LSAMP: variants seen among roughly 807,000 people sequenced by gnomAD.
The protein encoded by LSAMP is limbic system-associated membrane protein.
LSAMP carries 7 observed loss-of-function variants against 38.6 expected under a neutral mutation model. The ratio of observed to expected loss-of-function variants is 0.18; its 90% CI spans 0.10 to 0.34. The LOEUF is 0.34. LSAMP is among the 10% of genes least tolerant of loss of function. The pLI, the probability that LSAMP is intolerant of heterozygous loss-of-function variation, is 1.00. For missense variants in LSAMP, 313 were observed against 420.0 expected, an observed-to-expected ratio of 0.75 and a Z score of 2.23; for synonymous variants, 154 against 166.8, an observed-to-expected ratio of 0.92 and a Z score of 0.59.
chr3:115,835,840 G>C (rs994388071), intron 6 of LSAMP, among the ~76,000 whole-genome samples: 2 of 152,152 alleles, frequency 1.3e-5, no homozygotes, highest in Non-Finnish European at 2.9e-5. Flanking sequence ...GTCAACAGCA[G>C]CCCAGTGAAC....
At chr3:115,875,043 G>A (rs1317593889) in intron 3 of LSAMP, among the ~76,000 whole-genome samples, 2 of 151,962 alleles carry the variant, frequency 1.3e-5, no homozygotes, top group African/African-American at 2.4e-5. Flanking sequence ...AGAGAACATC[G>A]TTTCTTTTAT....
chr3:116,391,299 C>T (rs1388644348), intron 1 of LSAMP, among the ~76,000 whole-genome samples: 2 of 151,928 alleles, frequency 1.3e-5, no homozygotes, highest in African/African-American at 4.9e-5. Flanking sequence ...TGCCCCGCCC[C>T]CCCCGTGCCC....
intron 3 of LSAMP, among the ~76,000 whole-genome samples, chr3:115,947,533 AC>A (rs1482486660): frequency 2.6e-5 from 4 of 152,264 alleles, no homozygotes; most frequent in African/African-American, 9.6e-5. Flanking sequence ...AGTGATACTG[AC>A]CACAAGAGAG....
At chr3:116,263,557 G>T (rs1367269565) in intron 1 of LSAMP, among the ~76,000 whole-genome samples, 1 of 150,154 alleles carries the variant, frequency 6.7e-6, no homozygotes, top group African/African-American at 2.4e-5. Context: ...AAAAAAAGAT[G>T]AATATTTTTA....
At chr3:116,429,900 G>A (rs963426180) in intron 1 of LSAMP, among the ~76,000 whole-genome samples, 1 of 152,124 alleles carries the variant, frequency 6.6e-6, no homozygotes, top group Non-Finnish European at 1.5e-5. Flanking sequence ...AAGAGACCCT[G>A]TTTTCATAAT....
intron 1 of LSAMP, among the ~76,000 whole-genome samples, chr3:116,383,100 A>G (rs2048582533): frequency 6.6e-6 from 1 of 152,090 alleles, no homozygotes; most frequent in Non-Finnish European, 1.5e-5. Flanking sequence ...GATCCAAAGC[A>G]TTGCTATGGT....
chr3:116,257,686 G>C (rs2046769473), intron 1 of LSAMP, among the ~76,000 whole-genome samples: 1 of 151,966 alleles, frequency 6.6e-6, no homozygotes, highest in South Asian at 2.1e-4. Context: ...TTTTTTTCTG[G>C]TTGCTTGAAT....
At chr3:116,204,779 G>GCTGTTTTGGTACCAC (rs2046043126) in intron 1 of LSAMP, among the ~76,000 whole-genome samples, 11 of 150,508 alleles carry the variant, frequency 7.3e-5, no homozygotes, top group Non-Finnish European at 1.5e-4. Context: ...TTTGGTACCA[G>GCTGTTTTGGTACCAC]TACCATGCTG....
At chr3:116,143,239 C>T (rs982664964) in intron 1 of LSAMP, among the ~76,000 whole-genome samples, 2 of 151,738 alleles carry the variant, frequency 1.3e-5, no homozygotes, top group African/African-American at 2.4e-5. Context: ...AAAATTTTCT[C>T]ATTTCATCAT....
At chr3:115,828,837 A>G (rs1934515082) in intron 6 of LSAMP, among the ~76,000 whole-genome samples, 1 of 152,164 alleles carries the variant, frequency 6.6e-6, no homozygotes, top group African/African-American at 2.4e-5. Flanking sequence ...AAAAATATTC[A>G]TTTTCAAATC....
At chr3:116,088,441 TCTC>T (rs1276349107) in intron 1 of LSAMP, among the ~76,000 whole-genome samples, 3 of 152,150 alleles carry the variant, frequency 2.0e-5, no homozygotes, top group Non-Finnish European at 2.9e-5. Flanking sequence ...CTTTTGCTGT[TCTC>T]CTCTCTTGTG....
chr3:116,002,258 G>A (rs184154477), intron 3 of LSAMP, among the ~76,000 whole-genome samples: 1 of 152,232 alleles, frequency 6.6e-6, no homozygotes. Flanking sequence ...CCTAGAGAGG[G>A]CAGTTGCTTA....
At chr3:116,266,461 G>C (rs1301141836) in intron 1 of LSAMP, among the ~76,000 whole-genome samples, 1 of 152,156 alleles carries the variant, frequency 6.6e-6, no homozygotes, top group Non-Finnish European at 1.5e-5. Context: ...CTGAAACCAA[G>C]AGACAAAAGG....
intron 1 of LSAMP, among the ~76,000 whole-genome samples, chr3:116,269,489 G>A (rs1367102334): frequency 6.6e-6 from 1 of 152,060 alleles, no homozygotes; most frequent in Admixed American, 6.6e-5. Flanking sequence ...ACTACATAAT[G>A]ATCTGTTGAA....
intron 1 of LSAMP, among the ~76,000 whole-genome samples, chr3:116,170,244 A>G (rs1244258232): frequency 6.6e-6 from 1 of 150,988 alleles, no homozygotes; most frequent in Non-Finnish European, 1.5e-5. Context: ...CGAAGAAGTC[A>G]CAATGCCTAT....
chr3:115,900,189 C>A (rs1936838079), intron 3 of LSAMP, among the ~76,000 whole-genome samples: 1 of 152,040 alleles, frequency 6.6e-6, no homozygotes. Context: ...GAAACTGGGG[C>A]AGGACAAAAC....
chr3:116,025,228 T>G (rs1196618254), intron 2 of LSAMP, among the ~76,000 whole-genome samples: 1 of 152,148 alleles, frequency 6.6e-6, no homozygotes, highest in Admixed American at 6.5e-5. Context: ...TTTTCCTATA[T>G]ATAATGCCAT....
At chr3:116,110,698 G>T in intron 1 of LSAMP, among the ~76,000 whole-genome samples, 1 of 152,104 alleles carries the variant, frequency 6.6e-6, no homozygotes, top group East Asian at 1.9e-4. Flanking sequence ...TCGGTCTGAG[G>T]ACCTGAGGTC....
At chr3:116,145,131 A>G (rs1480570804) in intron 1 of LSAMP, among the ~76,000 whole-genome samples, 2 of 151,726 alleles carry the variant, frequency 1.3e-5, no homozygotes, top group African/African-American at 4.8e-5. Flanking sequence ...GCTTTTGTTT[A>G]TTTCGCAAAT....
Sources: allele counts gnomAD v4.1 joint callset (sites outside exome capture counted in the v4.1 genomes callset), GRCh38; gene constraint gnomAD v4.1.1; transcripts MANE v1.5; gene names NCBI Gene and HGNC (gene_info 2026-07-23, HGNC 2026-07-21).